Variants in RBFOX1 observed in about 807,000 individuals in gnomAD.
RBFOX1 encodes the protein RNA binding fox-1 homolog 1.
A neutral mutation model predicts 57.7 loss-of-function variants in RBFOX1; 8 were observed. That is an observed-to-expected ratio of 0.14 (90% CI 0.08 to 0.25). The LOEUF (loss-of-function observed/expected upper bound fraction) is 0.25, where lower values mean the gene tolerates loss of function less well. Ranked by LOEUF, RBFOX1 falls within the 10% of genes least tolerant of loss-of-function variation. RBFOX1 has a pLI of 1.00. For synonymous variants in RBFOX1, 326 were observed against 222.4 expected (o/e 1.47, Z -4.15); for missense variants, 611 against 548.5 (o/e 1.11, Z -1.14).
At chr16:6,434,869 T>C (rs1190702792) in intron 2 of RBFOX1, among the ~76,000 whole-genome samples, 2 of 152,214 alleles carry the variant, frequency 1.3e-5, no homozygotes, top group African/African-American at 2.4e-5. Flanking sequence ...ACTGAGTTAT[T>C]ACTATGTGCT....
rs566041448 is a variant in RBFOX1, at chr16:6,763,669, G to A, written c.-16+109019G>A. ...CTGTTCTACCTCCCAGCAAAGTATCGGGTCTGTTTTAGGATTTACGTTTTT... is the reference window on the plus strand; with the variant it reads ...CTGTTCTACCTCCCAGCAAAGTATCAGGTCTGTTTTAGGATTTACGTTTTT... On this transcript the variant is annotated intron_variant, in intron 3 of 15. Coordinates refer to ENST00000550418, the MANE Select transcript of RBFOX1 (RefSeq NM_018723.4). 3.9e-5 allele frequency among the ~76,000 whole-genome samples: 6 copies of A among 152,210 alleles called. No homozygotes were observed. The South Asian group carries it at 8.3e-4, about 21-fold the overall frequency.
chr16:6,242,527 C>A (rs950435241), intron 1 of RBFOX1, among the ~76,000 whole-genome samples: 3 of 151,258 alleles, frequency 2.0e-5, no homozygotes, highest in African/African-American at 7.3e-5. Flanking sequence ...CAGCGCCTGG[C>A]CTGGTTGGAA....
In RBFOX1 at chr16:7,067,240, T is replaced by G. The variant is rs9922917; in HGVS notation, c.27+15142T>G. 4.3e-4 allele frequency among the ~76,000 whole-genome samples: 66 copies of G among 152,004 alleles called. No individual in the cohort carries two copies. The Middle Eastern group carries it at 0.014, about 31-fold the overall frequency. On this transcript the variant is annotated intron_variant, in intron 4 of 15. Transcript: ENST00000550418. ...GAGTTCTTCCAGGCAGCCGAAATTA[T>G]TAGTTCAGAGTTGGTACTCATGTTG...
rs776320036 is a variant in RBFOX1 at position 6,171,735 on chromosome 16, T to C, written c.-126-145260T>C. On this transcript the variant is annotated intron_variant, in intron 1 of 15. Coordinates refer to ENST00000550418, the MANE Select transcript of RBFOX1 (RefSeq NM_018723.4). ...TCTTTGGAATAGCAGAAAAGCGGCA[T>C]ACATCTTCAGATGAATAGTAAGAGT... Among the ~76,000 whole-genome samples, 128 of 152,206 alleles carry C rather than the reference T, an allele frequency of 8.4e-4. 2 individuals carry two copies. The highest frequency in any genetic ancestry group is 4.1e-4 in the Non-Finnish European group (28 of 68,030).
chr16:6,579,918 A>G (rs908263491), intron 2 of RBFOX1, among the ~76,000 whole-genome samples: 3 of 151,786 alleles, frequency 2.0e-5, no homozygotes, highest in Non-Finnish European at 4.4e-5. Flanking sequence ...TACATATTCT[A>G]TGTATAGGTT....
chr16:6,409,346 G>C (rs369455220), intron 2 of RBFOX1, among the ~76,000 whole-genome samples: 1 of 152,094 alleles, frequency 6.6e-6, no homozygotes, highest in Non-Finnish European at 1.5e-5. Context: ...CCTGGGAGGC[G>C]GATGTTGCAG....
chr16:5,537,213 C>G (rs1189091997), intron 2 of RBFOX1, among the ~76,000 whole-genome samples: 3 of 152,148 alleles, frequency 2.0e-5, no homozygotes, highest in Non-Finnish European at 4.4e-5. Context: ...TATATATTAA[C>G]AATCTGTTCA....
intron 1 of RBFOX1, among the ~76,000 whole-genome samples, chr16:5,298,893 C>G (rs572873852): frequency 1.1e-5 from 1 of 95,226 alleles, no homozygotes; most frequent in Non-Finnish European, 2.1e-5. Flanking sequence ...ATAGGGCAGA[C>G]GGGACTGAGT....
chr16:7,016,493 T>A (rs1317333753), intron 3 of RBFOX1, among the ~76,000 whole-genome samples: 2 of 152,196 alleles, frequency 1.3e-5, no homozygotes, highest in South Asian at 4.1e-4. Context: ...ACTGCCGTGA[T>A]AACAGACACA....
chr16:5,252,050 C>T (rs2062465756), intron 1 of RBFOX1, among the ~76,000 whole-genome samples: 1 of 152,104 alleles, frequency 6.6e-6, no homozygotes, highest in African/African-American at 2.4e-5. Context: ...TGGGGAAGTG[C>T]AGGTCAGCAT....
intron 2 of RBFOX1, among the ~76,000 whole-genome samples, chr16:5,499,576 TA>T (rs1567165697): frequency 1.3e-5 from 2 of 152,072 alleles, no homozygotes; most frequent in African/African-American, 4.8e-5. Context: ...CCTTTTTTTT[TA>T]AATTTTTTTT....
chr16:6,402,539 A>T (rs2093116721), intron 2 of RBFOX1, among the ~76,000 whole-genome samples: 1 of 152,172 alleles, frequency 6.6e-6, no homozygotes, highest in South Asian at 2.1e-4. Flanking sequence ...TACCCAAATG[A>T]AAGCAAAGTA....
chr16:7,123,204 C>T (rs1208442957), intron 4 of RBFOX1, among the ~76,000 whole-genome samples: 1 of 151,930 alleles, frequency 6.6e-6, no homozygotes, highest in Non-Finnish European at 1.5e-5. Context: ...TATATTAATT[C>T]CAAATAAATG....
chr16:6,297,809 G>A (rs1290174890), intron 1 of RBFOX1, among the ~76,000 whole-genome samples: 1 of 152,182 alleles, frequency 6.6e-6, no homozygotes, highest in Non-Finnish European at 1.5e-5. Context: ...GAGGAGTTCA[G>A]CTGGGGACAG....
At chr16:7,091,642 G>C (rs569687338) in intron 4 of RBFOX1, among the ~76,000 whole-genome samples, 86 of 152,290 alleles carry the variant, frequency 5.6e-4, no homozygotes, top group African/African-American at 2.0e-3. Flanking sequence ...GACAGCTCCA[G>C]TTCTCAGCCT....
intron 4 of RBFOX1, among the ~76,000 whole-genome samples, chr16:7,415,140 C>T (rs1284333357): frequency 6.6e-6 from 1 of 152,172 alleles, no homozygotes; most frequent in African/African-American, 2.4e-5. Context: ...ATTTTGTTAC[C>T]ATTTTCTGTA....
At chr16:6,493,676 T>C (rs2095688388) in intron 2 of RBFOX1, among the ~76,000 whole-genome samples, 1 of 152,096 alleles carries the variant, frequency 6.6e-6, no homozygotes, top group Non-Finnish European at 1.5e-5. Context: ...GCAGATAAAA[T>C]ATTTTTATCT....
intron 3 of RBFOX1, among the ~76,000 whole-genome samples, chr16:6,741,187 T>C (rs1257468052): frequency 6.6e-6 from 1 of 152,078 alleles, no homozygotes; most frequent in East Asian, 1.9e-4. Context: ...TAATAATAAA[T>C]AATAAATCTT....
chr16:6,919,664 G>C (rs957125571), intron 3 of RBFOX1, among the ~76,000 whole-genome samples: 1 of 151,382 alleles, frequency 6.6e-6, no homozygotes, highest in Non-Finnish European at 1.5e-5. Flanking sequence ...TAAAAATCCA[G>C]ATTGAATCCA....
Sources: allele counts gnomAD v4.1 joint callset (sites outside exome capture counted in the v4.1 genomes callset), GRCh38; gene constraint gnomAD v4.1.1; transcripts MANE v1.5; gene names NCBI Gene and HGNC (gene_info 2026-07-23, HGNC 2026-07-21).